Variants in CCDC93 observed in about 807,000 individuals in gnomAD.
The protein encoded by CCDC93 is coiled-coil domain-containing protein 93.
A neutral mutation model predicts 108.2 loss-of-function variants in CCDC93; 61 were observed. That is an observed-to-expected ratio of 0.56 (90% CI 0.46 to 0.70). The LOEUF (loss-of-function observed/expected upper bound fraction) is 0.70. CCDC93 is among the 30% of genes least tolerant of loss of function. CCDC93 has a pLI of 0.00. For missense variants in CCDC93, 685 were observed against 764.2 expected, an observed-to-expected ratio of 0.90 and a Z score of 1.22; for synonymous variants, 276 against 260.4, an observed-to-expected ratio of 1.06 and a Z score of -0.58.
At chr2:117,945,782 G>A (rs1678851857) in intron 16 of CCDC93, among the ~76,000 whole-genome samples, 200 bp from the exon 17 acceptor site, 1 of 152,118 alleles carries the variant, frequency 6.6e-6, no homozygotes, top group African/African-American at 2.4e-5. Context: ...TTGTTCTTAG[G>A]TGTCTGTCAG....
intron 11 of CCDC93, among the ~76,000 whole-genome samples, chr2:117,969,093 C>T (rs1679679368): frequency 1.3e-5 from 2 of 152,198 alleles, no homozygotes; most frequent in Admixed American, 6.5e-5. Context: ...CTGTGCCTTG[C>T]TTCTAACCAA....
At chr2:117,945,999 C>T (rs976825969) in intron 16 of CCDC93, among the ~76,000 whole-genome samples, 1 of 152,182 alleles carries the variant, frequency 6.6e-6, no homozygotes, top group Non-Finnish European at 1.5e-5. Context: ...GATACCACTG[C>T]CTCCTAGGCT....
At chr2:118,010,930 A>G (rs183597688) in intron 1 of CCDC93, among the ~76,000 whole-genome samples, 18 of 152,358 alleles carry the variant, frequency 1.2e-4, no homozygotes, top group Admixed American at 9.1e-4. Flanking sequence ...ATAACTAAGT[A>G]TCAACTATAT....
At chr2:117,941,859 G>A (rs1678712577) in intron 18 of CCDC93, among the ~76,000 whole-genome samples, 1 of 152,236 alleles carries the variant, frequency 6.6e-6, no homozygotes, top group Admixed American at 6.5e-5. Context: ...GCATGGTACA[G>A]GGGCAGCTGC....
intron 16 of CCDC93, 130 bp from the exon 17 acceptor site, chr2:117,945,712 C>T: frequency 1.4e-6 from 1 of 713,640 alleles, no homozygotes; most frequent in Admixed American, 2.3e-5. Context: ...TTGATGTCCC[C>T]CGAGCATGTC....
chr2:117,995,991 T>A (rs1258915312), intron 5 of CCDC93, among the ~76,000 whole-genome samples: 1 of 152,016 alleles, frequency 6.6e-6, no homozygotes, highest in Non-Finnish European at 1.5e-5. Context: ...TACTATAGGA[T>A]GTTCTGGGCA....
At chr2:117,933,354 C>A (rs1325574169) in intron 22 of CCDC93, among the ~76,000 whole-genome samples, 1 of 152,176 alleles carries the variant, frequency 6.6e-6, no homozygotes, top group African/African-American at 2.4e-5. Context: ...CATTTTCACA[C>A]TCTTCTCAGT....
intron 3 of CCDC93, among the ~76,000 whole-genome samples, chr2:118,004,722 T>G (rs1397195565): frequency 1.3e-5 from 2 of 152,214 alleles, no homozygotes; most frequent in African/African-American, 4.8e-5. Context: ...CTGACTCTGG[T>G]GGGTCCTTAG....
At chr2:117,928,666 T>C (rs1407087894) in intron 23 of CCDC93, among the ~76,000 whole-genome samples, 1 of 152,222 alleles carries the variant, frequency 6.6e-6, no homozygotes, top group East Asian at 1.9e-4. Context: ...TTGGTGGGAC[T>C]GTAAACTAGT....
chr2:117,936,208 C>T (rs1483050086), intron 21 of CCDC93, among the ~76,000 whole-genome samples: 2 of 151,950 alleles, frequency 1.3e-5, no homozygotes, highest in African/African-American at 2.4e-5. Context: ...AGGAGCAAGT[C>T]CTGGGGCTGC....
chr2:117,988,724 C>A (rs1680391649), intron 6 of CCDC93, among the ~76,000 whole-genome samples: 2 of 152,270 alleles, frequency 1.3e-5, no homozygotes, highest in East Asian at 3.9e-4. Context: ...CTTAAAAATT[C>A]TCACATTAAT....
chr2:117,964,054 G>A (rs537319508), intron 11 of CCDC93, among the ~76,000 whole-genome samples: 19 of 152,276 alleles, frequency 1.2e-4, no homozygotes, highest in Admixed American at 3.3e-4. Flanking sequence ...TCTTAGAGCC[G>A]TTTGTAAACA....
At chr2:117,959,032 A>G (rs2104757328) in intron 11 of CCDC93, among the ~76,000 whole-genome samples, 1 of 152,316 alleles carries the variant, frequency 6.6e-6, no homozygotes, top group South Asian at 2.1e-4. Context: ...AAAGGTGCTG[A>G]GAGAGGTCAG....
intron 14 of CCDC93, 123 bp from the exon 15 acceptor site, chr2:117,948,309 G>C (rs776238783): frequency 1.5e-6 from 1 of 658,014 alleles, no homozygotes; most frequent in Non-Finnish European, 2.7e-6. Context: ...AGCTCTAAGA[G>C]TGTCTCACAG....
intron 20 of CCDC93, among the ~76,000 whole-genome samples, chr2:117,937,601 C>A (rs1225805720): frequency 6.6e-6 from 1 of 152,172 alleles, no homozygotes; most frequent in African/African-American, 2.4e-5. Flanking sequence ...TCGCAATATT[C>A]CTAGTTTTTA....
chr2:117,919,224 A>G lies in CCDC93; in HGVS notation c.*1119T>C, dbSNP rs1005510282. On this transcript the variant is annotated 3_prime_UTR_variant, in exon 24 of 24. Transcript: ENST00000376300. ...GCCTAGTCTCAGCCCTACTTCCCAG[A>G]CGGGTCTCTGAAGCCTCCTGCAGAG... The G allele has an allele frequency of 1.3e-5, 2 of 152,230 alleles. No homozygotes were observed. The highest frequency in any genetic ancestry group is 4.8e-5 in the African/African-American group (2 of 41,418). 9.4% of individuals were successfully genotyped at this position (152,230 alleles called of 1,614,324 possible).
chr2:117,982,763 G>GC (rs1223954240), intron 7 of CCDC93, among the ~76,000 whole-genome samples: 4 of 151,912 alleles, frequency 2.6e-5, no homozygotes, highest in Non-Finnish European at 5.9e-5. Flanking sequence ...AGTGGGGGGG[G>GC]GGGTGCGTGA....
intron 13 of CCDC93, chr2:117,950,913 G>A (rs1021777640): frequency 6.1e-6 from 6 of 985,270 alleles, no homozygotes; most frequent in African/African-American, 1.7e-5. Context: ...TCTGCAAAAA[G>A]GAACGACGAC....
At chr2:117,981,912 T>C (rs1421507600) in intron 7 of CCDC93, among the ~76,000 whole-genome samples, 3 of 152,120 alleles carry the variant, frequency 2.0e-5, no homozygotes, top group African/African-American at 7.2e-5. Flanking sequence ...GATGGTTATC[T>C]ATTTGGAATA....
Sources: gnomAD v4.1 joint callset for allele counts (sites outside exome capture counted in the v4.1 genomes callset) on GRCh38, gnomAD v4.1.1 for gene constraint, MANE v1.5 for transcripts, NCBI Gene and HGNC (gene_info 2026-07-23, HGNC 2026-07-21) for gene names.